The following GREB1 variants were observed in gnomAD, a reference collection of about 807,000 sequenced individuals.
GREB1 encodes protein GREB1.
A neutral mutation model predicts 200.7 loss-of-function variants in GREB1; 106 were observed. That is an observed-to-expected ratio of 0.53 (90% CI 0.45 to 0.62). The LOEUF is 0.62. GREB1 is among the 20% of genes least tolerant of loss of function. The probability of loss-of-function intolerance (pLI) is 0.00; values close to 1 mark genes in which losing one functional copy is unlikely to be tolerated. For synonymous variants in GREB1, 1,132 were observed against 1,092.4 expected (o/e 1.04, Z -0.72); for missense variants, 2,243 against 2,556.8 (o/e 0.88, Z 2.65).
intron 11 of GREB1, among the ~76,000 whole-genome samples, chr2:11,593,659 G>T (rs1680948338): frequency 6.6e-6 from 1 of 152,126 alleles, no homozygotes; most frequent in Non-Finnish European, 1.5e-5. Flanking sequence ...GATAGAGATG[G>T]GGTTTCACCA....
In GREB1 at chr2:11,618,794, G is replaced by A. The variant is rs757992756; in HGVS notation, c.3919G>A (p.Glu1307Lys). 16 of 1,610,542 alleles carry A rather than the reference G, an allele frequency of 9.9e-6. No homozygotes were observed. Among genetic ancestry groups the A allele is most frequent in the South Asian group, 7.7e-5 (7 of 91,052 alleles). ...PLLSKTMTST[E>K]QSLYYRQWTV... Reference sequence around the variant, plus strand: ...GCTCAGCAAGACCATGACATCCACCGAGCAGTCCCTCTACTACCGGCAGTG... The same window carrying A: ...GCTCAGCAAGACCATGACATCCACCAAGCAGTCCCTCTACTACCGGCAGTG... The change falls in exon 22 of 33, where the codon GAG becomes AAG. Residue 1307 changes from glutamate (E) to lysine (K), a missense_variant. Physicochemically the swap from Glu to Lys is moderately conservative, Grantham distance 56 (BLOSUM62 1). Transcript: ENST00000381486.
chr2:11,599,600 A>C (rs1437833071), intron 15 of GREB1, among the ~76,000 whole-genome samples: 2 of 150,050 alleles, frequency 1.3e-5, no homozygotes, highest in African/African-American at 5.0e-5. Flanking sequence ...CGCTCACTGC[A>C]AACTCTGCCT....
intron 7 of GREB1, among the ~76,000 whole-genome samples, chr2:11,582,852 A>G (rs1005279006): frequency 2.6e-5 from 4 of 152,228 alleles, no homozygotes; most frequent in Non-Finnish European, 4.4e-5. Flanking sequence ...ACTGAAGCCT[A>G]GAGTCCTGTC....
Position 11,537,514 on chromosome 2 carries a change from C to G in GREB1, c.-162+3260C>G, listed in dbSNP as rs549502418. ...AAGTAACTTGCTCAAGGTCTAATAT[C>G]CAGTAAGTGAAGATTCAAACCCAAA... On this transcript the variant is annotated intron_variant, in intron 1 of 32. Transcript: ENST00000381486. Among the ~76,000 whole-genome samples, 4 of 151,686 alleles carry G rather than the reference C, an allele frequency of 2.6e-5. No individual in the cohort carries two copies. The South Asian group carries it at 8.3e-4, about 32-fold the overall frequency.
intron 1 of GREB1, among the ~76,000 whole-genome samples, chr2:11,515,714 A>G (rs1438106853): frequency 6.6e-6 from 1 of 152,224 alleles, no homozygotes; most frequent in Non-Finnish European, 1.5e-5. Flanking sequence ...CTCAGGCCAG[A>G]GTGATCCTTC....
Position 11,598,864 on chromosome 2 carries a change from A to G in GREB1, c.2333+4A>G. On this transcript the variant is annotated splice_donor_region_variant and intron_variant, in intron 15 of 32. Transcript: ENST00000381486. Reference sequence around the variant, plus strand: ...ATGCGCACTGGGATCTTGTGAGGTTAGATTGACTTGATATATGACAAGTTG... The same window carrying G: ...ATGCGCACTGGGATCTTGTGAGGTTGGATTGACTTGATATATGACAAGTTG... 6.2e-7 allele frequency: 1 copy of G among 1,611,250 alleles called. No individual in the cohort carries two copies. The highest frequency in any genetic ancestry group is 1.1e-5 in the South Asian group (1 of 90,936).
In GREB1 at chr2:11,562,698, CTT is replaced by C; in HGVS notation, c.277+118_277+119del. ...TGCAGGGGTCCTCTTTGCTCTTCCT[CTT>C]TGCTTTCCCTGAGGTGTGAGCCATG... On this transcript the variant is annotated intron_variant, in intron 3 of 32. Transcript: ENST00000381486. The C allele has an allele frequency of 3.2e-6, 4 of 1,257,578 alleles. No homozygotes were observed. The South Asian group carries it at 6.1e-5, about 19-fold the overall frequency. The allele number at this position is 1,257,578 out of a possible 1,614,324, so 77.9% of individuals were successfully genotyped here. A position where few individuals can be genotyped will look rare whatever the true frequency, so the allele number is the denominator to read the frequency against.
Position 11,633,162 on chromosome 2 carries a change from G to C in GREB1, c.4991+99G>C. The C allele has an allele frequency of 8.4e-7, 1 of 1,196,042 alleles. No homozygotes were observed. The highest frequency in any genetic ancestry group is 1.2e-6 in the Non-Finnish European group (1 of 821,660). 74.1% of individuals were successfully genotyped at this position (1,196,042 alleles called of 1,614,324 possible). A position where few individuals can be genotyped will look rare whatever the true frequency, so the allele number is the denominator to read the frequency against. ...GGAATGTGCCCACCCCTGGAAGACC[G>C]GAGGGCCTCTCATAGTAGAAGGGGT... On this transcript the variant is annotated intron_variant, in intron 28 of 32. Coordinates refer to ENST00000381486, the MANE Select transcript of GREB1 (RefSeq NM_014668.4). The surrounding 1 kb of genome is among the most constrained non-coding windows in gnomAD (Gnocchi z 4.1).
chr2:11,610,870 T>G lies in GREB1; in HGVS notation c.2849T>G (p.Val950Gly). The change falls in exon 18 of 33, where the codon GTC (valine) becomes GGC (glycine). Residue 950 changes from valine (V) to glycine (G), a missense_variant. Transcript: ENST00000381486. ...KQCPCGHGLM[V>G]LLRVPCSPLA... Reference sequence around the variant, plus strand: ...TGCCCCTGCGGCCACGGGCTCATGGTCCTGCTGCGGGTGCCCTGTTCGCCC... The same window carrying G: ...TGCCCCTGCGGCCACGGGCTCATGGGCCTGCTGCGGGTGCCCTGTTCGCCC... The G allele has an allele frequency of 6.2e-7, 1 of 1,613,256 alleles. No individual in the cohort carries two copies. The highest frequency in any genetic ancestry group is 8.5e-7 in the Non-Finnish European group (1 of 1,179,868).
intron 32 of GREB1, 98 bp downstream of exon 32, chr2:11,638,907 A>G: frequency 1.6e-6 from 2 of 1,252,626 alleles, no homozygotes; most frequent in East Asian, 2.3e-5. Flanking sequence ...TTATTTGCCC[A>G]TGGGTAAACT....
chr2:11,585,081 AT>A, intron 7 of GREB1, 79 bp from the exon 8 acceptor site: 1 of 685,534 alleles, frequency 1.5e-6, no homozygotes, highest in Non-Finnish European at 2.3e-6. Flanking sequence ...AAAACAGATC[AT>A]TGTTCTCCAA....
intron 7 of GREB1, chr2:11,581,176 A>T: frequency 1.7e-6 from 1 of 576,138 alleles, no homozygotes; most frequent in Non-Finnish European, 3.1e-6. Context: ...TGGGCTTCTG[A>T]ATCAGAAAAA....
Position 11,615,261 on chromosome 2 carries a change from A to G in GREB1, c.3293A>G (p.Asp1098Gly), listed in dbSNP as rs1383197760. The stretch of plus-strand genomic sequence containing the variant: ...GATGCTGAGAAGCTGAGCAGCACAG[A>G]CAACGAGGATGAGGAGCTGGGGACA... ...ESDAEKLSST[D>G]NEDEELGTEG... Residue 1098 changes from aspartate (D) to glycine (G), a missense_variant, in exon 20 of 33, where the codon GAC (aspartate) becomes GGC (glycine). Asp to Gly is a moderately conservative substitution (Grantham distance 94). Around this residue, in one of 3 missense-constraint regions of GREB1, gnomAD observed 587 missense variants for 553.1 expected, o/e 1.06. Transcript: ENST00000381486. 2 of 1,603,692 alleles carry G rather than the reference A, an allele frequency of 1.2e-6. No homozygotes were observed. Among genetic ancestry groups the G allele is most frequent in the Non-Finnish European group, 1.7e-6 (2 of 1,174,604 alleles).
chr2:11,514,807 G>C lies in GREB1; in HGVS notation c.-159+32426G>C, dbSNP rs567219448. The stretch of plus-strand genomic sequence containing the variant: ...AGGAATATGGCATTTCCCCCTACTA[G>C]GTTGTGAGTCCCTCTGAAGTTGAGA... On this transcript the variant is annotated intron_variant, in intron 1 of 2. Transcript: ENST00000628795. Among the ~76,000 whole-genome samples the C allele has an allele frequency of 2.6e-5, 4 of 152,324 alleles. No homozygotes were observed. In the East Asian group the frequency reaches 7.7e-4, roughly 29 times the overall value.
chr2:11,594,413 G>A (rs982274146), intron 11 of GREB1, among the ~76,000 whole-genome samples: 6 of 150,566 alleles, frequency 4.0e-5, no homozygotes, highest in African/African-American at 1.5e-4. Flanking sequence ...GGAATGCAGT[G>A]GTGCAGTCTC....
intron 1 of GREB1, among the ~76,000 whole-genome samples, chr2:11,537,715 A>G (rs1017615780): frequency 6.8e-6 from 1 of 147,516 alleles, no homozygotes; most frequent in African/African-American, 2.5e-5. Context: ...TTAGATAAAT[A>G]TATGATATTT....
intron 25 of GREB1, among the ~76,000 whole-genome samples, chr2:11,627,394 A>G (rs1558659930): frequency 6.6e-6 from 1 of 152,196 alleles, no homozygotes; most frequent in Non-Finnish European, 1.5e-5. Context: ...AATGCAACAG[A>G]TGCTCACCAG....
At chr2:11,587,831 G>A in intron 9 of GREB1, 1 of 1,043,704 alleles carries the variant, frequency 9.6e-7, no homozygotes, top group South Asian at 3.9e-5. Flanking sequence ...GAGGTTTAGG[G>A]CAGTTAAGCT....
intron 1 of GREB1, among the ~76,000 whole-genome samples, chr2:11,489,740 A>G (rs1182574070): frequency 6.6e-6 from 1 of 152,072 alleles, no homozygotes; most frequent in Non-Finnish European, 1.5e-5. Context: ...AATTATTACT[A>G]TTATAGCCAC....
Sources: allele counts gnomAD v4.1 joint callset (sites outside exome capture counted in the v4.1 genomes callset), GRCh38; gene constraint gnomAD v4.1.1; regional missense constraint gnomAD v4.1.1; non-coding constraint Gnocchi (gnomAD v3.1); transcripts MANE v1.5; gene names NCBI Gene and HGNC (gene_info 2026-07-23, HGNC 2026-07-21).